The following EIF3K variants were observed in gnomAD, a reference collection of about 807,000 sequenced individuals.
EIF3K encodes eIF-3 p28.
EIF3K carries 27 observed loss-of-function variants against 34.2 expected under a neutral mutation model. The observed-to-expected ratio is 0.79, with a 90% CI of 0.58 to 1.09. EIF3K has a LOEUF of 1.09. Among genes scored for constraint, EIF3K ranks in the 50% least tolerant of loss-of-function variants. The pLI, the probability that EIF3K is intolerant of heterozygous loss-of-function variation, is 0.00. For synonymous variants in EIF3K, 105 were observed against 105.7 expected, an observed-to-expected ratio of 0.99 and a Z score of 0.04; for missense variants, 232 against 275.4, an observed-to-expected ratio of 0.84 and a Z score of 1.11.
chr19:38,619,654 A>C (rs1232299721), intron 1 of EIF3K, among the ~76,000 whole-genome samples: 1 of 152,190 alleles, frequency 6.6e-6, no homozygotes, highest in Non-Finnish European at 1.5e-5. Context: ...GGTACCACTC[A>C]GTCTCTTCGT....
chr19:38,631,653 T>A (rs559982035), intron 4 of EIF3K, among the ~76,000 whole-genome samples: 9 of 152,320 alleles, frequency 5.9e-5, no homozygotes, highest in Admixed American at 2.6e-4. Context: ...CCTTCCTCTT[T>A]TACTAATCCT....
chr19:38,623,524 C>T (rs1210177863), intron 2 of EIF3K, among the ~76,000 whole-genome samples: 1 of 152,172 alleles, frequency 6.6e-6, no homozygotes, highest in Non-Finnish European at 1.5e-5. Flanking sequence ...AGGCTGGTCT[C>T]GAACTCCTGA....
In EIF3K at chr19:38,636,933, A is replaced by C; in HGVS notation, c.*13A>C. On this transcript the variant is annotated 3_prime_UTR_variant, in exon 8 of 8. Transcript: ENST00000248342. ...CTCCTCCCAGTAACTTCAGGTGTTT[A>C]ATAAAGATGTGTTGACTCAGCCCTA... 6.2e-7 allele frequency: 1 copy of C among 1,614,016 alleles called. No individual in the cohort carries two copies. Among genetic ancestry groups the C allele is most frequent in the African/African-American group, 1.3e-5 (1 of 75,004 alleles).
chr19:38,632,077 T>C (rs1976080300), intron 4 of EIF3K: 1 of 236,440 alleles, frequency 4.2e-6, no homozygotes, highest in Non-Finnish European at 8.4e-6. Flanking sequence ...ATCTGATCTT[T>C]CTTTTCCCCA....
intron 4 of EIF3K, among the ~76,000 whole-genome samples, chr19:38,629,508 C>G (rs1384669972): frequency 6.6e-6 from 1 of 152,140 alleles, no homozygotes; most frequent in East Asian, 1.9e-4. Context: ...GTTGACCAGG[C>G]TGGTCTTGAA....
intron 4 of EIF3K, among the ~76,000 whole-genome samples, chr19:38,628,281 C>T (rs1453635069): frequency 2.6e-5 from 4 of 152,086 alleles, no homozygotes; most frequent in Non-Finnish European, 5.9e-5. Context: ...TTCAGTGTAG[C>T]CTAGGCCTTG....
intron 2 of EIF3K, among the ~76,000 whole-genome samples, chr19:38,622,888 C>G (rs1599730627): frequency 6.6e-6 from 1 of 152,204 alleles, no homozygotes; most frequent in Admixed American, 6.5e-5. Context: ...CTGTTCTGCC[C>G]GGCTCACCGG....
In EIF3K at chr19:38,619,288, TGA is replaced by T; in HGVS notation, c.24_25del (p.Arg8SerfsTer16). 6.2e-7 allele frequency: 1 copy of T among 1,614,042 alleles called. No homozygotes were observed. The highest frequency in any genetic ancestry group is 1.1e-5 in the South Asian group (1 of 91,070). On this transcript the variant is annotated frameshift_variant, in exon 1 of 8. Transcript: ENST00000248342. LOFTEE classifies it high-confidence loss of function. ...GAAGTCATGGCGATGTTTGAGCAGA[TGA>T]GAGCCAACGTGGGCAAGTTGCTCAA...
chr19:38,630,207 G>T (rs2144775646), intron 4 of EIF3K, among the ~76,000 whole-genome samples: 1 of 150,656 alleles, frequency 6.6e-6, no homozygotes, highest in African/African-American at 2.4e-5. Context: ...AGGCTAGAGT[G>T]CAGTGATATG....
intron 6 of EIF3K, 194 bp downstream of exon 6, chr19:38,632,872 A>C: frequency 1.8e-6 from 1 of 541,062 alleles, no homozygotes; most frequent in Non-Finnish European, 3.2e-6. Context: ...TTGCTCATTT[A>C]TTTTGCATTA....
chr19:38,632,778 A>T, intron 6 of EIF3K, 100 bp downstream of exon 6: 1 of 1,122,198 alleles, frequency 8.9e-7, no homozygotes. Context: ...GGGTCTCATC[A>T]GGTCAGCATG....
rs1432199026 is a variant in EIF3K, at chr19:38,636,928, T to A, written c.*8T>A. The A allele has an allele frequency of 6.2e-7, 1 of 1,613,956 alleles. No homozygotes were observed. Among genetic ancestry groups the A allele is most frequent in the Non-Finnish European group, 8.5e-7 (1 of 1,179,998 alleles). On this transcript the variant is annotated 3_prime_UTR_variant, in exon 8 of 8. Coordinates refer to ENST00000248342, the MANE Select transcript of EIF3K (RefSeq NM_013234.4). ...ATGGCCTCCTCCCAGTAACTTCAGG[T>A]GTTTAATAAAGATGTGTTGACTCAG...
At chr19:38,620,709 C>T (rs1975820721) in intron 2 of EIF3K, among the ~76,000 whole-genome samples, 1 of 151,894 alleles carries the variant, frequency 6.6e-6, no homozygotes, top group Admixed American at 6.6e-5. Context: ...GCCTGGCCAA[C>T]ACGGAGAAAC....
chr19:38,635,304 T>A, intron 7 of EIF3K, 186 bp downstream of exon 7: 1 of 795,396 alleles, frequency 1.3e-6, no homozygotes, highest in Non-Finnish European at 2.0e-6. Context: ...GGGAGCTGGG[T>A]GATCTTCCCT....
intron 6 of EIF3K, among the ~76,000 whole-genome samples, chr19:38,633,846 G>T (rs933769294): frequency 6.6e-6 from 1 of 151,256 alleles, no homozygotes; most frequent in African/African-American, 2.4e-5. Context: ...GTTGGCATGT[G>T]CCTGTAATCC....
Position 38,636,799 on chromosome 19 carries a change from C to T in EIF3K, c.626-90C>T. 2.7e-5 allele frequency: 39 copies of T among 1,464,976 alleles called. No individual in the cohort carries two copies. The South Asian group carries it at 4.4e-4, about 17-fold the overall frequency. The allele number at this position is 1,464,976 out of a possible 1,614,324, so 90.7% of individuals were successfully genotyped here. A position where few individuals can be genotyped will look rare whatever the true frequency, so the allele number is the denominator to read the frequency against. On this transcript the variant is annotated intron_variant, in intron 7 of 7. Transcript: ENST00000248342. Reference sequence around the variant, plus strand: ...GGGGCCTGGAAGGAGTTTATGATCTCCCCCTAAAGAATTGTGGGTGCTGTA... The same window carrying T: ...GGGGCCTGGAAGGAGTTTATGATCTTCCCCTAAAGAATTGTGGGTGCTGTA...
intron 3 of EIF3K, among the ~76,000 whole-genome samples, 193 bp from the exon 4 acceptor site, chr19:38,625,834 AC>A (rs1284433173): frequency 6.6e-6 from 1 of 152,168 alleles, no homozygotes; most frequent in Non-Finnish European, 1.5e-5. Flanking sequence ...TTTTGCCATT[AC>A]AAACAGTCCT....
chr19:38,624,092 A>G lies in EIF3K; in HGVS notation c.174A>G (p.Pro58=). The part of the protein sequence containing the change: ...LAVLKLYQFN[P]AFFQTTVTAQ... ...TTTTTCTTAGGTACCAGTTCAACCC[A>G]GCCTTCTTTCAGACCACGGTCACCG... The change falls in exon 3 of 8, where the codon CCA becomes CCG. Residue 58 remains proline, a synonymous_variant. Coordinates refer to ENST00000248342, the MANE Select transcript of EIF3K (RefSeq NM_013234.4). The G allele has an allele frequency of 1.2e-6, 2 of 1,614,166 alleles. No individual in the cohort carries two copies. The highest frequency in any genetic ancestry group is 2.7e-5 in the African/African-American group (2 of 75,050).
At position 38,624,170 on chromosome 19, in the gene EIF3K, G is replaced by A. The variant is rs1348903263; in HGVS notation, c.252G>A (p.Leu84=). The part of the protein sequence containing the change: ...LTNLPHTDFT[L]CKCMIDQAHQ... ...ACTTGCCGCACACAGACTTCACCCTGTGCAAGTGCATGATCGACCAGGCAC... is the reference window on the plus strand; with the variant it reads ...ACTTGCCGCACACAGACTTCACCCTATGCAAGTGCATGATCGACCAGGCAC... The change falls in exon 3 of 8, where the codon CTG becomes CTA. Residue 84 remains leucine, a synonymous_variant. Transcript: ENST00000248342. 6.2e-6 allele frequency: 10 copies of A among 1,614,082 alleles called. No homozygotes were observed. In the African/African-American group the frequency reaches 6.7e-5, roughly 11 times the overall value.
Sources: allele counts gnomAD v4.1 joint callset (sites outside exome capture counted in the v4.1 genomes callset), GRCh38; gene constraint gnomAD v4.1.1; transcripts MANE v1.5; gene names NCBI Gene and HGNC (gene_info 2026-07-23, HGNC 2026-07-21).